Variants in SLC20A2 observed in about 807,000 individuals in gnomAD.
The protein encoded by SLC20A2 is solute carrier family 20 member 2, also known as sodium-dependent phosphate transporter 2.
Under a neutral mutation model 61.0 loss-of-function variants are expected in SLC20A2, and 30 were observed. The observed-to-expected ratio is 0.49, with a 90% CI of 0.37 to 0.67. The LOEUF is 0.67. Ranked by LOEUF, SLC20A2 falls within the 30% of genes least tolerant of loss-of-function variation. SLC20A2 has a pLI of 0.00. For synonymous variants in SLC20A2, 351 were observed against 353.3 expected, an observed-to-expected ratio of 0.99 and a Z score of 0.07; for missense variants, 626 against 866.4, an observed-to-expected ratio of 0.72 and a Z score of 3.48.
chr8:42,538,096 G>A (rs1455105406), intron 1 of SLC20A2: 2 of 151,996 alleles, frequency 1.3e-5, no homozygotes, highest in Admixed American at 1.3e-4. Flanking sequence ...TTCTAGTACT[G>A]TTTCACATGT....
At chr8:42,422,808 G>C (rs191469473) in intron 10 of SLC20A2, among the ~76,000 whole-genome samples, 1 of 152,172 alleles carries the variant, frequency 6.6e-6, no homozygotes, top group East Asian at 1.9e-4. Context: ...TTAGCATATA[G>C]CTGTGTGGCT....
intron 1 of SLC20A2, among the ~76,000 whole-genome samples, chr8:42,476,935 CACCTGA>C (rs1232956901): frequency 6.6e-6 from 1 of 152,240 alleles, no homozygotes; most frequent in Non-Finnish European, 1.5e-5. Context: ...CTCAATGACT[CACCTGA>C]ACCGTGGGGA....
At chr8:42,513,612 G>A (rs1811147139) in intron 1 of SLC20A2, among the ~76,000 whole-genome samples, 1 of 152,146 alleles carries the variant, frequency 6.6e-6, no homozygotes, top group South Asian at 2.1e-4. Context: ...ACTCCCCTGA[G>A]CAGGCGGCTG....
intron 1 of SLC20A2, among the ~76,000 whole-genome samples, chr8:42,518,087 C>T (rs1331819727): frequency 1.3e-5 from 2 of 152,164 alleles, no homozygotes; most frequent in Admixed American, 6.5e-5. Flanking sequence ...ACTACAGGTG[C>T]GTGCCACCAC....
In SLC20A2 at chr8:42,506,951, T is replaced by A. The variant is rs199846695; in HGVS notation, c.-264-34297A>T. 3.3e-5 allele frequency among the ~76,000 whole-genome samples: 5 copies of A among 152,350 alleles called. No individual in the cohort carries two copies. The East Asian group carries it at 9.6e-4, about 29-fold the overall frequency. ...GCAACTTCGAAATGCCCGCCCTGGC[T>A]TGCCTACTACAAATGAGAAGGCCAC... On this transcript the variant is annotated intron_variant, in intron 1 of 10. Transcript: ENST00000342228.
At chr8:42,467,860 T>C (rs1184470161) in intron 2 of SLC20A2, among the ~76,000 whole-genome samples, 1 of 152,054 alleles carries the variant, frequency 6.6e-6, no homozygotes, top group Non-Finnish European at 1.5e-5. Flanking sequence ...AAAGCCAGGG[T>C]TTGGAGCACG....
intron 2 of SLC20A2, chr8:42,471,332 T>C (rs1382445928): frequency 4.8e-6 from 2 of 420,736 alleles, no homozygotes; most frequent in Non-Finnish European, 9.5e-6. Context: ...GCTTAGGCCA[T>C]GGGGACATCA....
intron 1 of SLC20A2, among the ~76,000 whole-genome samples, chr8:42,526,137 C>T (rs1369955350): frequency 1.3e-5 from 2 of 152,102 alleles, no homozygotes; most frequent in Non-Finnish European, 2.9e-5. Flanking sequence ...GCAAACACGA[C>T]CCCAGCAGAG....
intron 5 of SLC20A2, among the ~76,000 whole-genome samples, chr8:42,455,257 T>TATATATATAGAGAGAGAGAG (rs1357416749): frequency 4.9e-5 from 4 of 81,606 alleles, no homozygotes; most frequent in African/African-American, 1.8e-4. Flanking sequence ...TATATATATA[T>TATATATATAGAGAGAGAGAG]AGAGAGAGAG....
At chr8:42,420,350 T>C (rs894428873) in intron 10 of SLC20A2, among the ~76,000 whole-genome samples, 1 of 152,224 alleles carries the variant, frequency 6.6e-6, no homozygotes, top group Non-Finnish European at 1.5e-5. Flanking sequence ...CACTTTCAAG[T>C]TTCTAACTTC....
At chr8:42,480,715 G>T (rs532561626) in intron 1 of SLC20A2, among the ~76,000 whole-genome samples, 1 of 152,008 alleles carries the variant, frequency 6.6e-6, no homozygotes. Context: ...GCTGGAGTGC[G>T]GTGGCATGAT....
chr8:42,488,407 C>T (rs2131302860), intron 1 of SLC20A2, among the ~76,000 whole-genome samples: 1 of 151,956 alleles, frequency 6.6e-6, no homozygotes, highest in Middle Eastern at 3.4e-3. Context: ...TCAGGCTGGT[C>T]TCAAACTCCT....
intron 1 of SLC20A2, among the ~76,000 whole-genome samples, chr8:42,486,636 C>T (rs574220161): frequency 6.6e-6 from 1 of 152,338 alleles, no homozygotes; most frequent in African/African-American, 2.4e-5. Flanking sequence ...CCATCTGCTG[C>T]CTCTGGGCCT....
Position 42,463,045 on chromosome 8 carries a change from C to T in SLC20A2, c.476G>A (p.Gly159Asp), listed in dbSNP as rs759901594. The T allele has an allele frequency of 2.5e-6, 4 of 1,605,108 alleles. No homozygotes were observed. Among genetic ancestry groups the T allele is most frequent in the South Asian group, 2.3e-5 (2 of 88,840 alleles). ...AATTCTGATGAGTACAAACAGCAGG[C>T]CAGACATGAAACCAGACAACAGTGG... ...ISPLLSGFMS[G>D]LLFVLIRIFI... The change falls in exon 4 of 11, where the codon GGC becomes GAC. Residue 159 changes from glycine (G) to aspartate (D), a missense_variant. Gly to Asp is a moderately conservative substitution (Grantham distance 94). Around this residue, in one of 3 missense-constraint regions of SLC20A2, gnomAD observed 127 missense variants for 215.4 expected, o/e 0.59. Transcript: ENST00000520262.
At chr8:42,533,902 C>T (rs1363735583) in intron 1 of SLC20A2, among the ~76,000 whole-genome samples, 1 of 151,296 alleles carries the variant, frequency 6.6e-6, no homozygotes, top group Non-Finnish European at 1.5e-5. Context: ...TCGTGATCTG[C>T]CCACCTCGGC....
rs1487101850 is a variant in SLC20A2, at chr8:42,506,943, G to A, written c.-264-34289C>T. 3.9e-5 allele frequency among the ~76,000 whole-genome samples: 6 copies of A among 152,252 alleles called. No individual in the cohort carries two copies. In the East Asian group the frequency reaches 7.7e-4, roughly 20 times the overall value. The stretch of plus-strand genomic sequence containing the variant: ...CCTCTCTTGCAACTTCGAAATGCCC[G>A]CCCTGGCTTGCCTACTACAAATGAG... On this transcript the variant is annotated intron_variant, in intron 1 of 10. Transcript: ENST00000342228.
intron 1 of SLC20A2, among the ~76,000 whole-genome samples, chr8:42,495,766 T>C (rs76020393): frequency 4.0e-5 from 6 of 151,802 alleles, no homozygotes; most frequent in Admixed American, 6.6e-5. Flanking sequence ...TTTTTTTTTT[T>C]CCAGACAGAG....
At chr8:42,512,355 CTTT>C (rs1157900939) in intron 1 of SLC20A2, among the ~76,000 whole-genome samples, 2 of 143,930 alleles carry the variant, frequency 1.4e-5, no homozygotes. Flanking sequence ...TTGAAAAACT[CTTT>C]TTTTTTTTTG....
At chr8:42,484,874 C>A in intron 1 of SLC20A2, 1 of 391,828 alleles carries the variant, frequency 2.6e-6, no homozygotes. Context: ...TACACGCAGC[C>A]ACTGAGCATC....
Sources: gnomAD v4.1 joint callset for allele counts (sites outside exome capture counted in the v4.1 genomes callset) on GRCh38, gnomAD v4.1.1 for gene constraint, gnomAD v4.1.1 regional missense constraint, MANE v1.5 for transcripts, NCBI Gene and HGNC (gene_info 2026-07-23, HGNC 2026-07-21) for gene names.